RGS1: variants seen among roughly 807,000 people sequenced by gnomAD.
RGS1 encodes the protein B-cell activation protein BL34.
In RGS1, 11 loss-of-function variants were observed where a neutral mutation model predicts 22.2. That is an observed-to-expected ratio of 0.50 (90% confidence interval 0.31 to 0.82). RGS1 has a LOEUF of 0.82. Among genes scored for constraint, RGS1 ranks in the 40% least tolerant of loss-of-function variants. The pLI is 0.04. For synonymous variants in RGS1, 81 were observed against 79.9 expected (o/e 1.01, Z -0.07); for missense variants, 255 against 245.8 (o/e 1.04, Z -0.25).
intron 2 of RGS1, 21 bp downstream of exon 2, chr1:192,576,386 AACTATCATTATCATTT>A: frequency 4.6e-6 from 7 of 1,513,576 alleles, no homozygotes; most frequent in Non-Finnish European, 6.4e-6. Context: ...TAATACACTA[AACTATCATTATCATTT>A]ACAAGAGAAG....
chr1:192,576,220 A>G lies in RGS1; in HGVS notation c.138-65A>G, dbSNP rs981574746. ...CTTATTCCTTAGAGAAATTTATTCTATGTCTTTTTACAAATAAAATGAATT... is the reference window on the plus strand; with the variant it reads ...CTTATTCCTTAGAGAAATTTATTCTGTGTCTTTTTACAAATAAAATGAATT... On this transcript the variant is annotated intron_variant, in intron 1 of 4. Coordinates refer to ENST00000367459, the MANE Select transcript of RGS1 (RefSeq NM_002922.4). 11 of 1,303,520 alleles carry G rather than the reference A, an allele frequency of 8.4e-6. No individual in the cohort carries two copies. The African/African-American group carries it at 1.2e-4, about 14-fold the overall frequency. The allele number at this position is 1,303,520 out of a possible 1,614,324, so 80.7% of individuals were successfully genotyped here.
At chr1:192,576,229 T>C (rs1156448552) in intron 1 of RGS1, 56 bp from the exon 2 acceptor site, 17 of 1,363,298 alleles carry the variant, frequency 1.2e-5, no homozygotes, top group Non-Finnish European at 1.7e-5. Context: ...TATGTCTTTT[T>C]ACAAATAAAA....
At position 192,575,828 on chromosome 1, in the gene RGS1, C is replaced by A. The variant is rs748980909; in HGVS notation, c.36C>A (p.Asp12Glu). 5 of 1,613,244 alleles carry A rather than the reference C, an allele frequency of 3.1e-6. No individual in the cohort carries two copies. Among genetic ancestry groups the A allele is most frequent in the Non-Finnish European group, 3.4e-6 (4 of 1,179,458 alleles). The change falls in exon 1 of 5, where the codon GAC (aspartate) becomes GAA (glutamate). Residue 12 changes from aspartate to glutamate, a missense_variant. By Grantham distance (45) the Asp-to-Glu change is conservative (BLOSUM62 2). Coordinates refer to ENST00000367459, the MANE Select transcript of RGS1 (RefSeq NM_002922.4). ...RAAAISTPKLDKMPGMFFSAN... is the reference protein window; with the variant it reads ...RAAAISTPKLEKMPGMFFSAN... Reference sequence around the variant, plus strand: ...CAGCCATCTCCACTCCAAAGTTAGACAAAATGCCAGGAATGTTCTTCTCTG... The same window carrying A: ...CAGCCATCTCCACTCCAAAGTTAGAAAAAATGCCAGGAATGTTCTTCTCTG...
rs779640636 is a variant in RGS1, at chr1:192,575,824, T to C, written c.32T>C (p.Leu11Ser). Residue 11 changes from leucine (L) to serine (S), a missense_variant, in exon 1 of 5, where the codon TTA becomes TCA. Leu to Ser is a moderately radical substitution (Grantham distance 145). Coordinates refer to ENST00000367459, the MANE Select transcript of RGS1 (RefSeq NM_002922.4). MRAAAISTPKLDKMPGMFFSA... is the reference protein window; with the variant it reads MRAAAISTPKSDKMPGMFFSA... The stretch of plus-strand genomic sequence containing the variant: ...GCAGCAGCCATCTCCACTCCAAAGT[T>C]AGACAAAATGCCAGGAATGTTCTTC... 1.9e-5 allele frequency: 31 copies of C among 1,613,310 alleles called. No individual in the cohort carries two copies. The highest frequency in any genetic ancestry group is 2.1e-5 in the Non-Finnish European group (25 of 1,179,476).
Position 192,576,314 on chromosome 1 carries a change from C to A in RGS1, c.167C>A (p.Ser56Tyr). The change falls in exon 2 of 5, where the codon TCT (serine) becomes TAT (tyrosine). Residue 56 changes from serine to tyrosine, a missense_variant. Ser to Tyr is a moderately radical substitution (Grantham distance 144, BLOSUM62 -2). Transcript: ENST00000367459. ...FGMDMKAYLR[S>Y]MIPHLESGMK... ...ATGGATATGAAAGCATACCTGAGAT[C>A]TATGATCCCACATCTGGAATCTGGA... 6.2e-7 allele frequency: 1 copy of A among 1,611,320 alleles called. No homozygotes were observed. Among genetic ancestry groups the A allele is most frequent in the African/African-American group, 1.3e-5 (1 of 74,924 alleles).
At chr1:192,579,062 T>TA in intron 4 of RGS1, 75 bp from the exon 5 acceptor site, 15 of 1,443,028 alleles carry the variant, frequency 1.0e-5, no homozygotes. Flanking sequence ...TTCTGAGGTG[T>TA]TTCAAAAAAC....
Position 192,579,430 on chromosome 1 carries a change from C to A in RGS1, c.*108C>A. ...GGCCTTTTTTGGGTGTCTTGACAGG[C>A]CAAGAAGAACAAATGACTCAGAATG... On this transcript the variant is annotated 3_prime_UTR_variant, in exon 5 of 5. Coordinates refer to ENST00000367459, the MANE Select transcript of RGS1 (RefSeq NM_002922.4). 3 of 932,408 alleles carry A rather than the reference C, an allele frequency of 3.2e-6. No individual in the cohort carries two copies. Among genetic ancestry groups the A allele is most frequent in the Non-Finnish European group, 3.3e-6 (2 of 609,994 alleles). The allele number at this position is 932,408 out of a possible 1,614,324, so 57.8% of individuals were successfully genotyped here. A position where few individuals can be genotyped will look rare whatever the true frequency, so the allele number is the denominator to read the frequency against.
chr1:192,579,222 T>G lies in RGS1; in HGVS notation c.530T>G (p.Val177Gly). 6.2e-7 allele frequency: 1 copy of G among 1,613,294 alleles called. No individual in the cohort carries two copies. The highest frequency in any genetic ancestry group is 8.5e-7 in the Non-Finnish European group (1 of 1,179,500). The change falls in exon 5 of 5, where the codon GTC becomes GGC. Residue 177 changes from valine (V) to glycine (G), a missense_variant. Transcript: ENST00000367459. ...TPTCFDEAQK[V>G]IYTLMEKDSY... ...ACGTGTTTTGATGAAGCACAAAAAG[T>G]CATATATACTCTTATGGAAAAGGAC...
At chr1:192,578,133 A>G in intron 3 of RGS1, 89 bp from the exon 4 acceptor site, 2 of 1,459,234 alleles carry the variant, frequency 1.4e-6, no homozygotes, top group Non-Finnish European at 1.9e-6. Context: ...AAGCAATTGT[A>G]TTTTTCTTAC....
chr1:192,579,347 A>G lies in RGS1; in HGVS notation c.*25A>G, dbSNP rs771181351. 6.2e-7 allele frequency: 1 copy of G among 1,607,194 alleles called. No individual in the cohort carries two copies. Among genetic ancestry groups the G allele is most frequent in the Non-Finnish European group, 8.5e-7 (1 of 1,175,830 alleles). On this transcript the variant is annotated 3_prime_UTR_variant, in exon 5 of 5. Transcript: ENST00000367459. ...ACTGGTCCCTGGCTGAAGGGAATTA[A>G]CAGATAGTATCAAGCGCAGAAGGAA... is the stretch of plus-strand genomic sequence containing the variant.
At chr1:192,577,623 A>G (rs1662084972) in intron 3 of RGS1, 1 of 153,140 alleles carries the variant, frequency 6.5e-6, no homozygotes, top group Non-Finnish European at 1.5e-5. Context: ...TGGGAATCAC[A>G]TTGTTCACTC....
At position 192,576,855 on chromosome 1, in the gene RGS1, GT is replaced by G; in HGVS notation, c.280+23del. 1 of 1,602,388 alleles carries G rather than the reference GT, an allele frequency of 6.2e-7. No homozygotes were observed. The highest frequency in any genetic ancestry group is 1.1e-5 in the South Asian group (1 of 90,580). On this transcript the variant is annotated intron_variant, in intron 3 of 4. Coordinates refer to ENST00000367459, the MANE Select transcript of RGS1 (RefSeq NM_002922.4). Reference sequence around the variant, plus strand: ...ACCAAAGTAAGTATAACTATTGAATGTTTCTGGGTTCAGCTAAATACTCTAA... The same window carrying G: ...ACCAAAGTAAGTATAACTATTGAATGTTCTGGGTTCAGCTAAATACTCTAA...
At position 192,579,625 on chromosome 1, in the gene RGS1, A is replaced by G; in HGVS notation, c.*303A>G. On this transcript the variant is annotated 3_prime_UTR_variant, in exon 5 of 5. Transcript: ENST00000367459. Reference sequence around the variant, plus strand: ...GGCCAGGTAACTCTAGTTACACAGAAACTGTGACTAAAGTCTATGAAACTG... The same window carrying G: ...GGCCAGGTAACTCTAGTTACACAGAGACTGTGACTAAAGTCTATGAAACTG... 1 of 270,534 alleles carries G rather than the reference A, an allele frequency of 3.7e-6. No homozygotes were observed. Among genetic ancestry groups the G allele is most frequent in the Non-Finnish European group, 6.9e-6 (1 of 144,664 alleles). 16.8% of individuals were successfully genotyped at this position (270,534 alleles called of 1,614,324 possible). A position where few individuals can be genotyped will look rare whatever the true frequency, so the allele number is the denominator to read the frequency against.
At chr1:192,577,983 T>C in intron 3 of RGS1, 1 of 488,810 alleles carries the variant, frequency 2.0e-6, no homozygotes, top group Non-Finnish European at 3.6e-6. Flanking sequence ...CACCATCAAG[T>C]AGCAATGTGA....
rs769794511 is a variant in RGS1, at chr1:192,579,181, TA to T, written c.492del (p.Ala165HisfsTer33). On this transcript the variant is annotated frameshift_variant, in exon 5 of 5. Coordinates refer to ENST00000367459, the MANE Select transcript of RGS1 (RefSeq NM_002922.4). LOFTEE classifies it high-confidence loss of function. ...RTRESTAKKI[K>X]APTPTCFDEA... is the part of the protein sequence containing the mutation. ...CTCGAGAATCTACAGCCAAGAAGAT[TA>T]AAGCACCAACCCCCACGTGTTTTGA... 4.3e-6 allele frequency: 7 copies of T among 1,613,186 alleles called. No homozygotes were observed. The highest frequency in any genetic ancestry group is 5.9e-6 in the Non-Finnish European group (7 of 1,179,434).
In RGS1 at chr1:192,579,766, A is replaced by C. The variant is rs539968592; in HGVS notation, c.*444A>C. ...TTAAAGTATATGTTTTCAAATTGCC[A>C]TTGCTACTATTGCTTGTCGGTGTTA... On this transcript the variant is annotated 3_prime_UTR_variant, in exon 5 of 5. Transcript: ENST00000367459. The C allele has an allele frequency of 6.6e-6, 1 of 152,606 alleles. No individual in the cohort carries two copies. The highest frequency in any genetic ancestry group is 2.4e-5 in the African/African-American group (1 of 41,492). The allele number at this position is 152,606 out of a possible 1,614,324, so 9.5% of individuals were successfully genotyped here.
rs779334874 is a variant in RGS1 at position 192,576,852 on chromosome 1, A to G, written c.280+17A>G. 1.9e-6 allele frequency: 3 copies of G among 1,605,762 alleles called. No homozygotes were observed. Among genetic ancestry groups the G allele is most frequent in the Non-Finnish European group, 2.6e-6 (3 of 1,173,836 alleles). Reference sequence around the variant, plus strand: ...CCAACCAAAGTAAGTATAACTATTGAATGTTTCTGGGTTCAGCTAAATACT... The same window carrying G: ...CCAACCAAAGTAAGTATAACTATTGGATGTTTCTGGGTTCAGCTAAATACT... On this transcript the variant is annotated intron_variant, in intron 3 of 4. Transcript: ENST00000367459.
chr1:192,576,449 T>C (rs770844779), intron 2 of RGS1, 84 bp downstream of exon 2: 18 of 956,738 alleles, frequency 1.9e-5, no homozygotes, highest in Non-Finnish European at 3.0e-5. Context: ...AAGGGATAAA[T>C]ACTGCGCACA....
chr1:192,578,739 A>C, intron 4 of RGS1: 1 of 404,122 alleles, frequency 2.5e-6, no homozygotes, highest in East Asian at 4.0e-5. Context: ...TTGCAGCAGC[A>C]AAAGTATTTC....
Sources: allele counts gnomAD v4.1 joint callset, GRCh38; gene constraint gnomAD v4.1.1; transcripts MANE v1.5; gene names NCBI Gene and HGNC (gene_info 2026-07-23, HGNC 2026-07-21).